E2F7: variants seen among roughly 807,000 people sequenced by gnomAD.
E2F7 encodes the protein E2F transcription factor 7.
Under a neutral mutation model 81.1 loss-of-function variants are expected in E2F7, and 35 were observed. The observed-to-expected ratio is 0.43, with a 90% CI of 0.33 to 0.57. The LOEUF (loss-of-function observed/expected upper bound fraction) is 0.57, where lower values mean the gene tolerates loss of function less well. E2F7 is among the 20% of genes least tolerant of loss of function. The probability of loss-of-function intolerance (pLI) is 0.04; values close to 1 mark genes in which losing one functional copy is unlikely to be tolerated. For missense variants in E2F7, 961 were observed against 1,093.7 expected (o/e 0.88, Z 1.71); for synonymous variants, 416 against 416.2 (o/e 1.00, Z 0.01).
chr12:77,025,027 C>A (rs566795245), intron 12 of E2F7, among the ~76,000 whole-genome samples: 1 of 146,138 alleles, frequency 6.8e-6, no homozygotes, highest in Non-Finnish European at 1.5e-5. Context: ...ATGTTTTCTG[C>A]GTATGTATAG....
chr12:77,025,549 AG>A lies in E2F7; in HGVS notation c.2565+8del. 1 of 1,613,070 alleles carries A rather than the reference AG, an allele frequency of 6.2e-7. No individual in the cohort carries two copies. Among genetic ancestry groups the A allele is most frequent in the Non-Finnish European group, 8.5e-7 (1 of 1,179,252 alleles). On this transcript the variant is annotated splice_region_variant and intron_variant, in intron 12 of 12. Transcript: ENST00000322886. Reference sequence around the variant, plus strand: ...AGTGACAGTGTCTTCAGGAAACTTCAGGCCTCACCTGATGTAATTTTACTAC... The same window carrying A: ...AGTGACAGTGTCTTCAGGAAACTTCAGCCTCACCTGATGTAATTTTACTAC...
intron 10 of E2F7, among the ~76,000 whole-genome samples, chr12:77,029,351 G>A (rs139471781): frequency 3.2e-3 from 490 of 152,226 alleles, no homozygotes; most frequent in African/African-American, 0.011. Context: ...TCATACTTTT[G>A]TTCTTTTCAT....
intron 10 of E2F7, among the ~76,000 whole-genome samples, chr12:77,028,473 CTT>C (rs200375377): frequency 6.9e-6 from 1 of 143,896 alleles, no homozygotes. Context: ...ATTAGTAAAT[CTT>C]TTTTTTTTTT....
intron 9 of E2F7, 121 bp from the exon 10 acceptor site, chr12:77,030,453 G>A: frequency 1.6e-6 from 2 of 1,276,098 alleles, no homozygotes; most frequent in Non-Finnish European, 2.1e-6. Flanking sequence ...AGATACGAAA[G>A]CGCACTTGCT....
At chr12:77,037,530 A>T (rs1954862344) in intron 7 of E2F7, among the ~76,000 whole-genome samples, 2 of 152,230 alleles carry the variant, frequency 1.3e-5, no homozygotes. Context: ...GGCAGGGAGA[A>T]ATGAAAGCAA....
intron 7 of E2F7, among the ~76,000 whole-genome samples, chr12:77,035,033 A>C (rs1344910906): frequency 6.6e-6 from 1 of 152,226 alleles, no homozygotes. Context: ...TAATGCATAA[A>C]ACTGTGGCTC....
In E2F7 at chr12:77,050,632, T is replaced by G; in HGVS notation, c.482A>C (p.Tyr161Ser). The G allele has an allele frequency of 6.2e-7, 1 of 1,614,070 alleles. No individual in the cohort carries two copies. The highest frequency in any genetic ancestry group is 8.5e-7 in the Non-Finnish European group (1 of 1,179,962). ...CQKFLARYPSYPLSTEKTTIS... is the reference protein window; with the variant it reads ...CQKFLARYPSSPLSTEKTTIS... ...GGTAGTTTTCTCAGTTGACAAGGGA[T>G]AACTTGGATAGCGAGCTAGAAACTT... Residue 161 changes from tyrosine to serine, a missense_variant, in exon 4 of 13, where the codon TAT becomes TCT. This residue lies in a region of E2F7 where 301 missense variants were observed against 405.0 expected (regional missense o/e 0.74). Transcript: ENST00000322886.
intron 10 of E2F7, 57 bp from the exon 11 acceptor site, chr12:77,028,195 T>G: frequency 7.4e-7 from 1 of 1,350,684 alleles, no homozygotes; most frequent in Non-Finnish European, 9.9e-7. Context: ...GTAGTAAATC[T>G]CTCTTTTTTT....
intron 5 of E2F7, 98 bp downstream of exon 5, chr12:77,045,940 T>C (rs74544237): frequency 0.084 from 121,250 of 1,444,874 alleles, 5,665 homozygotes; most frequent in Middle Eastern, 0.14. Context: ...CCCTCCAGGG[T>C]TGTCAACCTG....
intron 4 of E2F7, 94 bp from the exon 5 acceptor site, chr12:77,046,422 T>C: frequency 7.3e-7 from 1 of 1,362,792 alleles, no homozygotes; most frequent in Non-Finnish European, 9.9e-7. Flanking sequence ...TGAACTACTT[T>C]GTCTGATCCC....
At chr12:77,063,731 G>C (rs1448168174) in intron 2 of E2F7, among the ~76,000 whole-genome samples, 3 of 152,122 alleles carry the variant, frequency 2.0e-5, no homozygotes, top group Non-Finnish European at 2.9e-5. Flanking sequence ...TTCTTCAAAG[G>C]CTCATATGAG....
chr12:77,058,943 C>G (rs951545095), intron 2 of E2F7, among the ~76,000 whole-genome samples: 6 of 152,284 alleles, frequency 3.9e-5, no homozygotes, highest in South Asian at 4.1e-4. Context: ...ATTTTTGGCA[C>G]AATGCGTTGC....
At position 77,044,283 on chromosome 12, in the gene E2F7, T is replaced by A. The variant is rs532486396; in HGVS notation, c.988+354A>T. 201 of 464,310 alleles carry A rather than the reference T, an allele frequency of 4.3e-4. 3 individuals are homozygous for A. The highest frequency in any genetic ancestry group is 3.0e-3 in the South Asian group (194 of 64,462). The allele number at this position is 464,310 out of a possible 1,614,324, so 28.8% of individuals were successfully genotyped here. A position where few individuals can be genotyped will look rare whatever the true frequency, so the allele number is the denominator to read the frequency against. ...TTCATCTCCACCCTTCAGAAGAGTA[T>A]GCAGGGGGTGGGGAAAAAAGGGGAA... On this transcript the variant is annotated intron_variant, in intron 6 of 12. Transcript: ENST00000322886.
rs559192003 is a variant in E2F7, at chr12:77,037,210, AC to A, written c.1124-3169del. On this transcript the variant is annotated intron_variant, in intron 7 of 12. Coordinates refer to ENST00000322886, the MANE Select transcript of E2F7 (RefSeq NM_203394.3). ...AGAAAAAAATATTAGATGGAAACTT[AC>A]ATTTACAAAAAAATGATAAGCACTG... Among the ~76,000 whole-genome samples, 42 of 152,378 alleles carry A rather than the reference AC, an allele frequency of 2.8e-4. No individual in the cohort carries two copies. In the East Asian group the frequency reaches 7.5e-3, roughly 27 times the overall value.
chr12:77,052,976 T>C (rs1032302913), intron 3 of E2F7, among the ~76,000 whole-genome samples: 1 of 152,150 alleles, frequency 6.6e-6, no homozygotes, highest in Non-Finnish European at 1.5e-5. Context: ...ACATACTGTA[T>C]AGACATGAGA....
intron 2 of E2F7, 118 bp from the exon 3 acceptor site, chr12:77,056,248 G>A: frequency 9.2e-7 from 1 of 1,088,662 alleles, no homozygotes; most frequent in East Asian, 2.6e-5. Context: ...TATGTTTAGG[G>A]CTGAAAAGTA....
At chr12:77,035,251 G>T (rs1202751091) in intron 7 of E2F7, among the ~76,000 whole-genome samples, 3 of 152,214 alleles carry the variant, frequency 2.0e-5, no homozygotes, top group African/African-American at 7.2e-5. Context: ...GCTAGGGTTT[G>T]CAGGGCAGAA....
At chr12:77,041,281 T>TC (rs991455882) in intron 7 of E2F7, among the ~76,000 whole-genome samples, 54 of 152,314 alleles carry the variant, frequency 3.5e-4, no homozygotes, top group African/African-American at 1.3e-3. Flanking sequence ...AACCTCCGCC[T>TC]CCCTGGTTCA....
In E2F7 at chr12:77,021,407, T is replaced by C. The variant is rs1954709126; in HGVS notation, c.*2608A>G. 1 of 152,490 alleles carries C rather than the reference T, an allele frequency of 6.6e-6. No homozygotes were observed. The highest frequency in any genetic ancestry group is 2.4e-5 in the African/African-American group (1 of 41,422). The allele number at this position is 152,490 out of a possible 1,614,324, so 9.4% of individuals were successfully genotyped here. A position where few individuals can be genotyped will look rare whatever the true frequency, so the allele number is the denominator to read the frequency against. On this transcript the variant is annotated 3_prime_UTR_variant, in exon 13 of 13. Transcript: ENST00000322886. ...CATTAGGAAAAAGAGCAGAGCTAAA[T>C]AATAAGAAAACAAAAGCAGTAAGCA...
Sources: allele counts gnomAD v4.1 joint callset (sites outside exome capture counted in the v4.1 genomes callset), GRCh38; gene constraint gnomAD v4.1.1; regional missense constraint gnomAD v4.1.1; transcripts MANE v1.5; gene names NCBI Gene and HGNC (gene_info 2026-07-23, HGNC 2026-07-21).